DOCK8: variants seen among roughly 807,000 people sequenced by gnomAD.
DOCK8 encodes dedicator of cytokinesis protein 8.
In DOCK8, 141 loss-of-function variants were observed where a neutral mutation model predicts 245.6. The ratio of observed to expected loss-of-function variants is 0.57; its 90% CI spans 0.50 to 0.66. The LOEUF is 0.66. DOCK8 is among the 30% of genes least tolerant of loss of function. The pLI is 0.00. For missense variants in DOCK8, 2,965 were observed against 2,603.4 expected (o/e 1.14, Z -3.02); for synonymous variants, 1,168 against 970.2 (o/e 1.20, Z -3.79).
intron 33 of DOCK8, among the ~76,000 whole-genome samples, chr9:424,338 T>C (rs1220063023): frequency 6.6e-6 from 1 of 152,080 alleles, no homozygotes; most frequent in African/African-American, 2.4e-5. Context: ...TTGGTAAAAC[T>C]TCCCAGGTGA....
chr9:412,048 T>C (rs1020178128), intron 28 of DOCK8, among the ~76,000 whole-genome samples: 3 of 152,164 alleles, frequency 2.0e-5, no homozygotes, highest in African/African-American at 7.2e-5. Context: ...TGTCTACCCT[T>C]GCCACTTCTA....
chr9:311,418 C>T (rs1045074061), intron 5 of DOCK8, among the ~76,000 whole-genome samples: 7 of 139,210 alleles, frequency 5.0e-5, no homozygotes, highest in African/African-American at 1.6e-4. Flanking sequence ...CTAAGTTTTG[C>T]TTTTTTTTTT....
chr9:324,435 T>C (rs765462866), intron 7 of DOCK8, among the ~76,000 whole-genome samples: 2 of 152,172 alleles, frequency 1.3e-5, no homozygotes, highest in Non-Finnish European at 2.9e-5. Context: ...GACATCAAGC[T>C]GAGAAACTTG....
At chr9:256,314 C>A (rs1337119041) in intron 1 of DOCK8, among the ~76,000 whole-genome samples, 1 of 152,176 alleles carries the variant, frequency 6.6e-6, no homozygotes. Flanking sequence ...AAGTGAGCAT[C>A]GATATGCCAA....
At chr9:393,740 C>CA (rs1166934569) in intron 24 of DOCK8, among the ~76,000 whole-genome samples, 6 of 152,206 alleles carry the variant, frequency 3.9e-5, no homozygotes, top group African/African-American at 1.4e-4. Flanking sequence ...GGTTTGTCAA[C>CA]ATGCAGATCA....
At chr9:285,978 A>G (rs2048808528) in intron 2 of DOCK8, among the ~76,000 whole-genome samples, 4 of 152,158 alleles carry the variant, frequency 2.6e-5, no homozygotes, top group African/African-American at 9.7e-5. Flanking sequence ...GCTTTCGAGA[A>G]CCAATGTATA....
chr9:453,387 A>G (rs936072168), intron 46 of DOCK8, among the ~76,000 whole-genome samples: 2 of 152,196 alleles, frequency 1.3e-5, no homozygotes, highest in Non-Finnish European at 2.9e-5. Context: ...CATAATACGT[A>G]TCTTTTAAAA....
chr9:362,097 A>G lies in DOCK8; in HGVS notation c.1680-5921A>G, dbSNP rs570488472. On this transcript the variant is annotated intron_variant, in intron 14 of 47. Transcript: ENST00000432829. ...CCTGTAAGTAAAATATTTTCAGATTACAGAAGGCTTGGGATTCTGTCTTTA... is the reference window on the plus strand; with the variant it reads ...CCTGTAAGTAAAATATTTTCAGATTGCAGAAGGCTTGGGATTCTGTCTTTA... Among the ~76,000 whole-genome samples the G allele has an allele frequency of 2.0e-5, 3 of 152,302 alleles. No individual in the cohort carries two copies. The East Asian group carries it at 5.8e-4, about 29-fold the overall frequency.
At chr9:336,541 C>G (rs1305742116) in intron 11 of DOCK8, 41 bp from the exon 12 acceptor site, 2 of 1,613,708 alleles carry the variant, frequency 1.2e-6, no homozygotes, top group Non-Finnish European at 8.5e-7. Context: ...TGTGTTTGAA[C>G]AGAAAGGCAT....
At chr9:412,875 CTTTTTT>C in intron 28 of DOCK8, among the ~76,000 whole-genome samples, 1 of 142,118 alleles carries the variant, frequency 7.0e-6, no homozygotes, top group African/African-American at 2.6e-5. Context: ...TTCTAGCTTG[CTTTTTT>C]TTTTTTTTGG....
intron 2 of DOCK8, among the ~76,000 whole-genome samples, chr9:274,020 T>C (rs1232325444): frequency 1.3e-5 from 2 of 152,206 alleles, no homozygotes; most frequent in Non-Finnish European, 2.9e-5. Flanking sequence ...GCTTTTACTT[T>C]AATGCCACAG....
chr9:234,239 G>T (rs9695064), intron 1 of DOCK8, among the ~76,000 whole-genome samples: 12,795 of 152,208 alleles, frequency 0.084, 624 homozygotes, highest in African/African-American at 0.14. Flanking sequence ...CTCTCTTCTG[G>T]CTTGTAGAGT....
chr9:363,837 G>C (rs1189599746), intron 14 of DOCK8, among the ~76,000 whole-genome samples: 1 of 152,128 alleles, frequency 6.6e-6, no homozygotes, highest in Non-Finnish European at 1.5e-5. Context: ...AGCAGTGGTG[G>C]GGGTGCATGG....
At chr9:386,916 T>C (rs1285716195) in intron 23 of DOCK8, among the ~76,000 whole-genome samples, 1 of 152,214 alleles carries the variant, frequency 6.6e-6, no homozygotes, top group Non-Finnish European at 1.5e-5. Context: ...AAATGCTTCC[T>C]CATAATTCTT....
Position 332,263 on chromosome 9 carries a change from A to G in DOCK8, c.1045-135A>G. 3 of 637,570 alleles carry G rather than the reference A, an allele frequency of 4.7e-6. 1 individual carries two copies. Among genetic ancestry groups the G allele is most frequent in the South Asian group, 3.9e-5 (2 of 51,512 alleles). The allele number at this position is 637,570 out of a possible 1,614,324, so 39.5% of individuals were successfully genotyped here. On this transcript the variant is annotated intron_variant, in intron 9 of 47. Transcript: ENST00000432829. ...ATGCTATTCTTTATATAAATTTTTT[A>G]ATAAAAAAATATGTATCACAGATAG...
chr9:446,234 TC>T lies in DOCK8; in HGVS notation c.5581-132del, dbSNP rs1457995198. 5.9e-5 allele frequency: 46 copies of T among 784,618 alleles called. 1 individual carries two copies. In the Middle Eastern group the frequency reaches 3.9e-3, roughly 67 times the overall value. 48.6% of individuals were successfully genotyped at this position (784,618 alleles called of 1,614,324 possible). A position where few individuals can be genotyped will look rare whatever the true frequency, so the allele number is the denominator to read the frequency against. ...GGAGGAACTTCTGCTGGCCACATTC[TC>T]CCCTGCATCTGTAGCTTTTCTGCAC... On this transcript the variant is annotated intron_variant, in intron 43 of 47. Transcript: ENST00000432829.
Position 257,750 on chromosome 9 carries a change from C to G in DOCK8, c.54-13877C>G, listed in dbSNP as rs536197017. On this transcript the variant is annotated intron_variant, in intron 1 of 47. Transcript: ENST00000432829. ...GCCAGGATGGTCTTGATCCCTTGAC[C>G]TCATGATCTGCCCACCTCGGCCTCC... Among the ~76,000 whole-genome samples, 89 of 152,302 alleles carry G rather than the reference C, an allele frequency of 5.8e-4. 1 individual carries two copies. The highest frequency in any genetic ancestry group is 2.1e-3 in the African/African-American group (87 of 41,566).
At chr9:346,990 C>A (rs371447565) in intron 14 of DOCK8, among the ~76,000 whole-genome samples, 1 of 152,152 alleles carries the variant, frequency 6.6e-6, no homozygotes, top group East Asian at 1.9e-4. Context: ...CCAGTTAGCT[C>A]TGTATTCAGA....
intron 24 of DOCK8, among the ~76,000 whole-genome samples, chr9:394,777 C>A (rs751140427): frequency 1.3e-5 from 2 of 152,194 alleles, no homozygotes; most frequent in Non-Finnish European, 2.9e-5. Flanking sequence ...GATTTCTGTG[C>A]CTCGCCCCAC....
Sources: gnomAD v4.1 joint callset for allele counts (sites outside exome capture counted in the v4.1 genomes callset) on GRCh38, gnomAD v4.1.1 for gene constraint, MANE v1.5 for transcripts, NCBI Gene and HGNC (gene_info 2026-07-23, HGNC 2026-07-21) for gene names.